PDE2A: variants seen among roughly 807,000 people sequenced by gnomAD.
The protein encoded by PDE2A is phosphodiesterase 2A.
PDE2A carries 53 observed loss-of-function variants against 133.6 expected under a neutral mutation model. The ratio of observed to expected loss-of-function variants is 0.40; its 90% CI spans 0.32 to 0.50. The LOEUF is 0.50. PDE2A is among the 20% of genes least tolerant of loss of function. PDE2A has a pLI of 0.73. For synonymous variants in PDE2A, 491 were observed against 490.2 expected, an observed-to-expected ratio of 1.00 and a Z score of -0.02; for missense variants, 796 against 1,232.4, an observed-to-expected ratio of 0.65 and a Z score of 5.30.
chr11:72,652,784 G>A, intron 1 of PDE2A: 2 of 451,380 alleles, frequency 4.4e-6, no homozygotes, highest in Middle Eastern at 3.3e-4. Flanking sequence ...TCCCAAGCTT[G>A]TGCCTCTTGC....
intron 2 of PDE2A, among the ~76,000 whole-genome samples, chr11:72,641,574 A>G (rs1858952919): frequency 6.6e-6 from 1 of 152,252 alleles, no homozygotes; most frequent in Non-Finnish European, 1.5e-5. Context: ...AGCCCAGAGA[A>G]TAAAGTGGGA....
chr11:72,604,766 A>G (rs61895570), intron 4 of PDE2A, among the ~76,000 whole-genome samples: 19 of 152,188 alleles, frequency 1.2e-4, no homozygotes, highest in Non-Finnish European at 2.8e-4. Context: ...CAGGCCCAGC[A>G]TGCTGGGATT....
chr11:72,633,184 C>T (rs2135420862), intron 2 of PDE2A, among the ~76,000 whole-genome samples: 2 of 130,588 alleles, frequency 1.5e-5, no homozygotes, highest in South Asian at 4.7e-4. Flanking sequence ...CAGACCAGGA[C>T]CCTAGTCCAG....
chr11:72,586,941 G>T (rs569264353), intron 13 of PDE2A, among the ~76,000 whole-genome samples: 2 of 152,090 alleles, frequency 1.3e-5, no homozygotes, highest in South Asian at 4.1e-4. Flanking sequence ...CACCATCCTG[G>T]GTCTGTCTGC....
chr11:72,582,248 T>G, intron 21 of PDE2A, 196 bp downstream of exon 21: 1 of 635,374 alleles, frequency 1.6e-6, no homozygotes, highest in South Asian at 2.0e-5. Context: ...CTTGGGATCA[T>G]CCAGTCCAGC....
chr11:72,628,874 C>G (rs763265573), intron 2 of PDE2A, among the ~76,000 whole-genome samples: 1 of 152,214 alleles, frequency 6.6e-6, no homozygotes, highest in Non-Finnish European at 1.5e-5. Flanking sequence ...GCAATGCCCT[C>G]GGGTCCCCAC....
intron 2 of PDE2A, among the ~76,000 whole-genome samples, chr11:72,613,487 C>T (rs1373204354): frequency 6.6e-6 from 1 of 151,736 alleles, no homozygotes; most frequent in African/African-American, 2.4e-5. Context: ...TCGGGTGGAC[C>T]TCCCTGCCTT....
chr11:72,613,575 T>C (rs947102507), intron 2 of PDE2A, among the ~76,000 whole-genome samples: 2 of 151,836 alleles, frequency 1.3e-5, no homozygotes, highest in Non-Finnish European at 2.9e-5. Flanking sequence ...CTTGACGTCT[T>C]TTCCCACCTC....
intron 25 of PDE2A, chr11:72,579,909 T>G: frequency 2.6e-6 from 1 of 390,958 alleles, no homozygotes; most frequent in Non-Finnish European, 4.6e-6. Flanking sequence ...TCCTTTGGAG[T>G]CCTAGACACC....
At chr11:72,589,075 C>A in intron 12 of PDE2A, 100 bp downstream of exon 12, 2 of 1,257,694 alleles carry the variant, frequency 1.6e-6, no homozygotes, top group Non-Finnish European at 2.3e-6. Context: ...CAGGTCTTAT[C>A]TGCCCCATTC....
At chr11:72,638,460 G>A (rs1858801997) in intron 2 of PDE2A, among the ~76,000 whole-genome samples, 1 of 152,188 alleles carries the variant, frequency 6.6e-6, no homozygotes, top group African/African-American at 2.4e-5. Flanking sequence ...ATTCTGGTAG[G>A]AGCCAGACCC....
intron 18 of PDE2A, 28 bp downstream of exon 18, chr11:72,584,523 G>A: frequency 6.4e-7 from 1 of 1,562,842 alleles, no homozygotes; most frequent in Non-Finnish European, 8.7e-7. Flanking sequence ...CGCAGGCCCC[G>A]CCCCTCCGCC....
At position 72,670,047 on chromosome 11, in the gene PDE2A, C is replaced by T. The variant is rs116443271; in HGVS notation, c.71+4090G>A. Among the ~76,000 whole-genome samples, 398 of 152,292 alleles carry T rather than the reference C, an allele frequency of 2.6e-3. 2 individuals carry two copies. Among genetic ancestry groups the T allele is most frequent in the African/African-American group, 9.3e-3 (388 of 41,548 alleles). On this transcript the variant is annotated intron_variant, in intron 1 of 30. Transcript: ENST00000334456. ...CTCCACCACGGCCCAGGGCTTCCCC[C>T]CAGCCTGGCACTTCATGCCTAGGCC... is the stretch of plus-strand genomic sequence containing the variant.
intron 1 of PDE2A, 131 bp from the exon 2 acceptor site, chr11:72,642,457 G>T (rs1414838582): frequency 1.9e-6 from 2 of 1,051,174 alleles, no homozygotes; most frequent in South Asian, 4.6e-5. Context: ...TGGTCCGCCC[G>T]AGTGTCCGCC....
At chr11:72,581,970 T>A in intron 21 of PDE2A, 23 bp from the exon 22 acceptor site, 4 of 1,600,874 alleles carry the variant, frequency 2.5e-6, no homozygotes, top group Non-Finnish European at 3.4e-6. Context: ...GAGGGAGGTA[T>A]CAGAGGGGCT....
intron 1 of PDE2A, among the ~76,000 whole-genome samples, chr11:72,670,714 T>C (rs1173498884): frequency 6.6e-6 from 1 of 152,072 alleles, no homozygotes; most frequent in Non-Finnish European, 1.5e-5. Context: ...TCCTGGATCA[T>C]TGTGCCCCAG....
In PDE2A at chr11:72,674,149, C is replaced by G; in HGVS notation, c.59G>C (p.Arg20Pro). The G allele has an allele frequency of 5.6e-6, 9 of 1,613,246 alleles. No individual in the cohort carries two copies. The highest frequency in any genetic ancestry group is 7.6e-6 in the Non-Finnish European group (9 of 1,179,826). ...TCACTATACTCACGGCTCAGCCGGTCGCGCTGCCGGGTACTGCTGGCTCCT... is the reference window on the plus strand; with the variant it reads ...TCACTATACTCACGGCTCAGCCGGTGGCGCTGCCGGGTACTGCTGGCTCCT... ...LCRSQQYPAA[R>P]PAEPRGQQVF... Residue 20 changes from arginine to proline, a missense_variant, in exon 1 of 31, where the codon CGA becomes CCA. Physicochemically the swap from Arg to Pro is moderately radical, Grantham distance 103. Around this residue, in one of 7 missense-constraint regions of PDE2A, gnomAD observed 417 missense variants for 475.3 expected, o/e 0.88. Transcript: ENST00000334456.
intron 2 of PDE2A, among the ~76,000 whole-genome samples, chr11:72,617,198 G>C (rs73544321): frequency 0.063 from 9,533 of 152,280 alleles, 1,002 homozygotes; most frequent in African/African-American, 0.22. Context: ...GGTCTCTTAT[G>C]TCCTCACTGT....
intron 6 of PDE2A, among the ~76,000 whole-genome samples, chr11:72,595,752 C>A (rs1304436627): frequency 1.3e-5 from 2 of 152,158 alleles, no homozygotes; most frequent in Non-Finnish European, 2.9e-5. Flanking sequence ...ATTTGGGGAA[C>A]TCATCCTTTG....
Sources: gnomAD v4.1 joint callset for allele counts (sites outside exome capture counted in the v4.1 genomes callset) on GRCh38, gnomAD v4.1.1 for gene constraint, gnomAD v4.1.1 regional missense constraint, MANE v1.5 for transcripts, NCBI Gene and HGNC (gene_info 2026-07-23, HGNC 2026-07-21) for gene names.